The following TBCCD1 variants were observed in gnomAD, a reference collection of about 807,000 sequenced individuals.
The protein encoded by TBCCD1 is TBCC domain containing 1.
In TBCCD1, 26 loss-of-function variants were observed where a neutral mutation model predicts 53.4. The observed-to-expected ratio is 0.49, with a 90% CI of 0.36 to 0.68. TBCCD1 has a LOEUF of 0.68. Among genes scored for constraint, TBCCD1 ranks in the 30% least tolerant of loss-of-function variants. The pLI is 0.00. For synonymous variants in TBCCD1, 245 were observed against 241.7 expected (o/e 1.01, Z -0.13); for missense variants, 558 against 669.5 (o/e 0.83, Z 1.84).
Position 186,556,727 on chromosome 3 carries a change from C to G in TBCCD1, c.541G>C (p.Asp181His), listed in dbSNP as rs1444061025. 9.9e-6 allele frequency: 16 copies of G among 1,613,946 alleles called. No homozygotes were observed. The highest frequency in any genetic ancestry group is 1.3e-5 in the African/African-American group (1 of 74,894). The change falls in exon 4 of 8, where the codon GAT becomes CAT. Residue 181 changes from aspartate to histidine, a missense_variant. Coordinates refer to ENST00000338733, the MANE Select transcript of TBCCD1 (RefSeq NM_018138.5). ...HQAFVYDHLS[D>H]LLELLLDPKQ... The stretch of plus-strand genomic sequence containing the variant: ...GGATCTAAAAGCAGCTCGAGGAGAT[C>G]AGACAGATGATCATAGACAAAAGCT...
chr3:186,549,921 T>C (rs750411192), intron 7 of TBCCD1, among the ~76,000 whole-genome samples: 37 of 152,166 alleles, frequency 2.4e-4, no homozygotes, highest in African/African-American at 7.7e-4. Flanking sequence ...CTGTTTTCTA[T>C]TGCTAGCATT....
Position 186,564,211 on chromosome 3 carries a change from A to G in TBCCD1, c.119T>C (p.Val40Ala). Residue 40 changes from valine to alanine, a missense_variant, in exon 2 of 8, where the codon GTG becomes GCG. Physicochemically the swap from Val to Ala is moderately conservative, Grantham distance 64. Coordinates refer to ENST00000338733, the MANE Select transcript of TBCCD1 (RefSeq NM_018138.5). ...AGCTCCTTCTGTGGCCCGGATTTGC[A>G]CATAGGTGGATATCTTCCTGAGATA... ...LHYLRKISTY[V>A]QIRATEGAYP... 1 of 1,614,164 alleles carries G rather than the reference A, an allele frequency of 6.2e-7. No individual in the cohort carries two copies.
rs1714362858 is a variant in TBCCD1 at position 186,551,182 on chromosome 3, G to T, written c.1642C>A (p.Pro548Thr). The T allele has an allele frequency of 9.3e-6, 15 of 1,612,110 alleles. No homozygotes were observed. In the East Asian group the frequency reaches 3.1e-4, roughly 34 times the overall value. Residue 548 changes from proline (P) to threonine (T), a missense_variant, in exon 7 of 8, where the codon CCT becomes ACT. By Grantham distance (38) the Pro-to-Thr change is conservative. Coordinates refer to ENST00000338733, the MANE Select transcript of TBCCD1 (RefSeq NM_018138.5). The stretch of plus-strand genomic sequence containing the variant: ...GCTGCTTGTTTGGAGCCTGCTGCAG[G>T]GGGTACAAGGCTGTCCAGCTGTTGG... The part of the protein sequence containing the change: ...HRQQLDSLVP[P>T]AAGSKQAAG
At position 186,554,762 on chromosome 3, in the gene TBCCD1, G is replaced by GA. The variant is rs1161164156; in HGVS notation, c.1047-12dup. 1 of 1,600,990 alleles carries GA rather than the reference G, an allele frequency of 6.2e-7. No homozygotes were observed. The highest frequency in any genetic ancestry group is 1.8e-5 in the Admixed American group (1 of 55,616). ...TCAATTGTCACAGATCTGAAAAAAG[G>GA]AAAAAATGAGGTAAAGTCCTCTGAA... On this transcript the variant is annotated splice_polypyrimidine_tract_variant and intron_variant, in intron 5 of 7. Coordinates refer to ENST00000338733, the MANE Select transcript of TBCCD1 (RefSeq NM_018138.5).
At chr3:186,561,860 A>C (rs1312147880) in intron 2 of TBCCD1, among the ~76,000 whole-genome samples, 1 of 152,224 alleles carries the variant, frequency 6.6e-6, no homozygotes, top group Non-Finnish European at 1.5e-5. Flanking sequence ...CGATCTAGCA[A>C]TCCCACTTCT....
chr3:186,570,212 G>A (rs1268522528), upstream of TBCCD1: 1 of 679,666 alleles, frequency 1.5e-6, no homozygotes, highest in Non-Finnish European at 2.7e-6. Context: ...CGTAAAATAA[G>A]AGGCCTAAGC....
chr3:186,559,122 A>C (rs112655262), intron 2 of TBCCD1, among the ~76,000 whole-genome samples: 1 of 152,360 alleles, frequency 6.6e-6, no homozygotes, highest in African/African-American at 2.4e-5. Flanking sequence ...TATAGAAATT[A>C]TCTCTCAAAA....
At chr3:186,569,151 G>A (rs188229070), upstream of TBCCD1, among the ~76,000 whole-genome samples, 359 of 152,080 alleles carry the variant, frequency 2.4e-3, no homozygotes, top group Middle Eastern at 0.01. Context: ...AAAAAAGAAA[G>A]GAAGCAAGTT....
chr3:186,554,738 C>G lies in TBCCD1; in HGVS notation c.1060G>C (p.Glu354Gln). 6.2e-7 allele frequency: 1 copy of G among 1,612,928 alleles called. No individual in the cohort carries two copies. The highest frequency in any genetic ancestry group is 8.5e-7 in the Non-Finnish European group (1 of 1,179,770). The part of the protein sequence containing the change: ...LLSPLRSVTI[E>Q]KCRNSIFVLG... The stretch of plus-strand genomic sequence containing the variant: ...ACAAAGATGCTATTCCTGCACTTCT[C>G]AATTGTCACAGATCTGAAAAAAGGA... Residue 354 changes from glutamate (E) to glutamine (Q), a missense_variant, in exon 6 of 8, where the codon GAG (glutamate) becomes CAG (glutamine). Glu to Gln is a conservative substitution (Grantham distance 29). Transcript: ENST00000338733.
chr3:186,551,072 T>A lies in TBCCD1; in HGVS notation c.*21+57A>T, dbSNP rs181175321. On this transcript the variant is annotated intron_variant, in intron 7 of 7. Coordinates refer to ENST00000338733, the MANE Select transcript of TBCCD1 (RefSeq NM_018138.5). ...TAGTATATAATATTCTGTGCCTTTT[T>A]TTTATGCTTGAAAGATTTCCCCAAA... The A allele has an allele frequency of 1.0e-5, 16 of 1,557,952 alleles. No individual in the cohort carries two copies. The African/African-American group carries it at 2.2e-4, about 21-fold the overall frequency.
chr3:186,569,692 A>G (rs899499504), upstream of TBCCD1, among the ~76,000 whole-genome samples: 2 of 150,424 alleles, frequency 1.3e-5, no homozygotes, highest in African/African-American at 4.9e-5. Flanking sequence ...GATATTAAGG[A>G]AGATATTAAG....
Position 186,550,114 on chromosome 3 carries a change from CTACTTGG to C in TBCCD1, c.*21+1008_*21+1014del, listed in dbSNP as rs534532720. On this transcript the variant is annotated intron_variant, in intron 7 of 7. Coordinates refer to ENST00000338733, the MANE Select transcript of TBCCD1 (RefSeq NM_018138.5). ...CGGTGGTGCGTGCCTGTAATCTCAG[CTACTTGG>C]TAGGCTGAGGCAGGAGAATTGCTTG... 5.9e-3 allele frequency among the ~76,000 whole-genome samples: 890 copies of C among 151,300 alleles called. 6 individuals are homozygous for C. The highest frequency in any genetic ancestry group is 0.02 in the African/African-American group (820 of 41,146).
intron 4 of TBCCD1, among the ~76,000 whole-genome samples, chr3:186,555,862 TC>T (rs1306660734): frequency 6.6e-6 from 1 of 152,124 alleles, no homozygotes; most frequent in Non-Finnish European, 1.5e-5. Context: ...TGAGTTCATG[TC>T]TTTACTCCTA....
chr3:186,563,433 G>A (rs1714739718), intron 2 of TBCCD1, among the ~76,000 whole-genome samples: 1 of 152,014 alleles, frequency 6.6e-6, no homozygotes. Flanking sequence ...CTCCATGAGG[G>A]TTGAGATGCT....
At chr3:186,557,115 G>T (rs1381806802) in intron 3 of TBCCD1, among the ~76,000 whole-genome samples, 1 of 152,162 alleles carries the variant, frequency 6.6e-6, no homozygotes, top group Admixed American at 6.6e-5. Flanking sequence ...AGCAATAAAT[G>T]GGCTACTCAA....
chr3:186,547,854 G>A (rs572839782), intron 7 of TBCCD1, among the ~76,000 whole-genome samples: 261 of 151,466 alleles, frequency 1.7e-3, no homozygotes, highest in Non-Finnish European at 2.9e-3. Flanking sequence ...TGATCCACCC[G>A]TCTCGGCCTC....
Position 186,564,402 on chromosome 3 carries a change from T to C in TBCCD1, c.-43-30A>G, listed in dbSNP as rs1578975705. On this transcript the variant is annotated intron_variant, in intron 1 of 7. Coordinates refer to ENST00000338733, the MANE Select transcript of TBCCD1 (RefSeq NM_018138.5). ...GAAACAAAGTTTCTTCATAAACTGATTTGAAACAAGTCTCATTTATGCATT... is the reference window on the plus strand; with the variant it reads ...GAAACAAAGTTTCTTCATAAACTGACTTGAAACAAGTCTCATTTATGCATT... The C allele has an allele frequency of 2.1e-6, 3 of 1,432,376 alleles. No homozygotes were observed. The East Asian group carries it at 6.9e-5, about 33-fold the overall frequency. The allele number at this position is 1,432,376 out of a possible 1,614,324, so 88.7% of individuals were successfully genotyped here. A position where few individuals can be genotyped will look rare whatever the true frequency, so the allele number is the denominator to read the frequency against.
intron 6 of TBCCD1, among the ~76,000 whole-genome samples, chr3:186,552,358 T>G (rs1213885611): frequency 6.6e-6 from 1 of 152,144 alleles, no homozygotes; most frequent in Non-Finnish European, 1.5e-5. Context: ...TATTGTATTC[T>G]TTTGTTGAAC....
chr3:186,554,414 G>A lies in TBCCD1; in HGVS notation c.1384C>T (p.Pro462Ser). ...NSDTRVFQLL[P>S]PCEFYVFIIP... The stretch of plus-strand genomic sequence containing the variant: ...ATAAATACATAGAATTCACAAGGTG[G>A]TAAAAGCTGGAAGACTCTTGTGTCG... The change falls in exon 6 of 8, where the codon CCA becomes TCA. Residue 462 changes from proline (P) to serine (S), a missense_variant. Pro to Ser is a moderately conservative substitution (Grantham distance 74). Transcript: ENST00000338733. The A allele has an allele frequency of 6.2e-7, 1 of 1,614,196 alleles. No individual in the cohort carries two copies.
Sources: gnomAD v4.1 joint callset for allele counts (sites outside exome capture counted in the v4.1 genomes callset) on GRCh38, gnomAD v4.1.1 for gene constraint, MANE v1.5 for transcripts, NCBI Gene and HGNC (gene_info 2026-07-23, HGNC 2026-07-21) for gene names.